The following HELLS variants were observed in gnomAD, a reference collection of about 807,000 sequenced individuals.
The protein encoded by HELLS is lymphoid-specific helicase.
Under a neutral mutation model 120.0 loss-of-function variants are expected in HELLS, and 32 were observed. The ratio of observed to expected loss-of-function variants is 0.27; its 90% CI spans 0.20 to 0.36. The LOEUF is 0.36. HELLS is among the 10% of genes least tolerant of loss of function. The probability of loss-of-function intolerance (pLI) is 1.00; values close to 1 mark genes in which losing one functional copy is unlikely to be tolerated. For missense variants in HELLS, 650 were observed against 993.4 expected (o/e 0.65, Z 4.65); for synonymous variants, 341 against 323.4 (o/e 1.05, Z -0.58).
downstream of HELLS, among the ~76,000 whole-genome samples, chr10:94,602,502 C>T (rs563569060): frequency 9.2e-5 from 14 of 152,254 alleles, no homozygotes; most frequent in African/African-American, 3.4e-4. Flanking sequence ...GAAGAGAAAT[C>T]CTGAATGTAC....
chr10:94,546,713 G>A (rs1842768897), intron 2 of HELLS, among the ~76,000 whole-genome samples: 1 of 152,174 alleles, frequency 6.6e-6, no homozygotes, highest in African/African-American at 2.4e-5. Flanking sequence ...ATGAGATGTA[G>A]TCTTGGTAGT....
chr10:94,560,028 TTTTA>T (rs1843473207), intron 4 of HELLS, among the ~76,000 whole-genome samples: 2 of 152,126 alleles, frequency 1.3e-5, no homozygotes. Context: ...CTAAACTGCC[TTTTA>T]TTTATTTATT....
At chr10:94,556,381 TTCATG>T (rs1843266212) in intron 3 of HELLS, among the ~76,000 whole-genome samples, 1 of 152,366 alleles carries the variant, frequency 6.6e-6, no homozygotes, top group Non-Finnish European at 1.5e-5. Context: ...TTGAGATTCA[TTCATG>T]TCATGTTTTT....
At chr10:94,575,250 C>T (rs1331179130) in intron 9 of HELLS, among the ~76,000 whole-genome samples, 1 of 151,668 alleles carries the variant, frequency 6.6e-6, no homozygotes, top group Non-Finnish European at 1.5e-5. Context: ...CAAGCATGTG[C>T]CACCATGCCC....
intron 12 of HELLS, among the ~76,000 whole-genome samples, 184 bp from the exon 13 acceptor site, chr10:94,588,045 G>A (rs78415138): frequency 0.026 from 3,931 of 152,092 alleles, 82 homozygotes; most frequent in South Asian, 0.044. Context: ...GAAATGCTGC[G>A]GACAACTGTG....
At chr10:94,613,729 A>G (rs1846216990) in exon 10 of HELLS, 1 of 152,182 alleles carries the variant, frequency 6.6e-6, no homozygotes, top group South Asian at 2.1e-4. Context: ...GTCAGAGAAC[A>G]TGATTTGCAT....
At chr10:94,575,457 A>G (rs549953904) in intron 9 of HELLS, among the ~76,000 whole-genome samples, 1 of 151,202 alleles carries the variant, frequency 6.6e-6, no homozygotes, top group Non-Finnish European at 1.5e-5. Flanking sequence ...TAGACGTAGT[A>G]TCACCATCTG....
At chr10:94,594,609 G>C in intron 18 of HELLS, 86 bp from the exon 19 acceptor site, 3 of 1,005,306 alleles carry the variant, frequency 3.0e-6, no homozygotes, top group Non-Finnish European at 2.9e-6. Flanking sequence ...TTCCTGGCTA[G>C]ATCATTCATG....
At chr10:94,606,179 C>T (rs1407836317), downstream of HELLS, among the ~76,000 whole-genome samples, 3 of 151,018 alleles carry the variant, frequency 2.0e-5, no homozygotes, top group African/African-American at 7.3e-5. Flanking sequence ...ATGTGGACTA[C>T]ACTCATGTGA....
At chr10:94,553,552 A>G (rs796413313) in intron 2 of HELLS, among the ~76,000 whole-genome samples, 192 of 122,274 alleles carry the variant, frequency 1.6e-3, no homozygotes, top group African/African-American at 3.8e-3. Context: ...CCTGGCCCCA[A>G]TTTTTTTTTT....
chr10:94,575,795 G>T (rs1467636137), intron 9 of HELLS, among the ~76,000 whole-genome samples: 8 of 150,544 alleles, frequency 5.3e-5, no homozygotes, highest in Admixed American at 2.7e-4. Context: ...GTGTGTGTGT[G>T]TGTGTGTGTG....
intron 2 of HELLS, among the ~76,000 whole-genome samples, chr10:94,548,858 G>T (rs545626007): frequency 6.6e-6 from 1 of 152,104 alleles, no homozygotes; most frequent in Non-Finnish European, 1.5e-5. Flanking sequence ...GCCAGATGTG[G>T]TGGCGCATAC....
chr10:94,596,760 T>G, intron 19 of HELLS, 100 bp from the exon 20 acceptor site: 1 of 623,608 alleles, frequency 1.6e-6, no homozygotes, highest in Non-Finnish European at 2.8e-6. Context: ...CACTTTTTTT[T>G]GCCGTCCTTC....
intron 6 of HELLS, among the ~76,000 whole-genome samples, chr10:94,567,274 A>G (rs1843853040): frequency 6.6e-6 from 1 of 151,962 alleles, no homozygotes; most frequent in South Asian, 2.1e-4. Flanking sequence ...CAGTCTTTCT[A>G]GATTGCCCTG....
At chr10:94,580,173 ACACACACACACATT>A (rs1844788030) in intron 10 of HELLS, among the ~76,000 whole-genome samples, 1 of 113,662 alleles carries the variant, frequency 8.8e-6, no homozygotes, top group African/African-American at 3.4e-5. Context: ...ACACACACAC[ACACACACACACATT>A]TTTTTTTTTT....
rs552974207 is a variant in HELLS, at chr10:94,565,232, G to A, written c.435+2356G>A. ...TGCGCCTGTAGTCCTAGCTACTCAG[G>A]AGGCTGAGGCAGGAGAATCACGAAC... On this transcript the variant is annotated intron_variant, in intron 6 of 21. Transcript: ENST00000348459. Among the ~76,000 whole-genome samples the A allele has an allele frequency of 7.2e-5, 11 of 152,318 alleles. No homozygotes were observed. The South Asian group carries it at 2.3e-3, about 32-fold the overall frequency.
At chr10:94,567,492 T>G (rs1843876802) in intron 6 of HELLS, among the ~76,000 whole-genome samples, 1 of 152,108 alleles carries the variant, frequency 6.6e-6, no homozygotes, top group Non-Finnish European at 1.5e-5. Flanking sequence ...GAGACGGGGT[T>G]TCTCCATGTT....
At chr10:94,572,786 G>T (rs7910469) in intron 7 of HELLS, among the ~76,000 whole-genome samples, 4 of 151,928 alleles carry the variant, frequency 2.6e-5, no homozygotes, top group Non-Finnish European at 4.4e-5. Flanking sequence ...TTATTCTCTC[G>T]CCAGCAATGT....
rs767066553 is a variant in HELLS, at chr10:94,601,485, C to A, written c.2423-43C>A. 5 of 1,023,852 alleles carry A rather than the reference C, an allele frequency of 4.9e-6. No homozygotes were observed. The South Asian group carries it at 6.8e-5, about 14-fold the overall frequency. The allele number at this position is 1,023,852 out of a possible 1,614,324, so 63.4% of individuals were successfully genotyped here. ...GATGTTTCTTTTACGATTTCTTCTT[C>A]TTATACTTCTAAAATGTACCTGTTT... On this transcript the variant is annotated intron_variant, in intron 21 of 21. Transcript: ENST00000348459.
Sources: gnomAD v4.1 joint callset for allele counts (sites outside exome capture counted in the v4.1 genomes callset) on GRCh38, gnomAD v4.1.1 for gene constraint, MANE v1.5 for transcripts, NCBI Gene and HGNC (gene_info 2026-07-23, HGNC 2026-07-21) for gene names.